ZDHHC14: variants seen among roughly 807,000 people sequenced by gnomAD.
ZDHHC14 encodes the protein zDHHC palmitoyltransferase 14, also known as palmitoyltransferase ZDHHC14.
A neutral mutation model predicts 47.7 loss-of-function variants in ZDHHC14; 16 were observed. That is an observed-to-expected ratio of 0.34 (90% CI 0.23 to 0.51). The LOEUF is 0.51. Among genes scored for constraint, ZDHHC14 ranks in the 20% least tolerant of loss-of-function variants. The pLI, the probability that ZDHHC14 is intolerant of heterozygous loss-of-function variation, is 0.97. For synonymous variants in ZDHHC14, 293 were observed against 278.9 expected (o/e 1.05, Z -0.50); for missense variants, 515 against 662.5 (o/e 0.78, Z 2.44).
chr6:157,511,122 T>C (rs1215286088), intron 1 of ZDHHC14, among the ~76,000 whole-genome samples: 2 of 152,132 alleles, frequency 1.3e-5, no homozygotes, highest in African/African-American at 4.8e-5. Context: ...AGTCCGGCTC[T>C]TTTTGTGTGG....
Position 157,381,838 on chromosome 6 carries a change from G to A in ZDHHC14, c.-184G>A. On this transcript the variant is annotated 5_prime_UTR_variant, in exon 1 of 9. Transcript: ENST00000359775. ...AGCGGGGATTCTGCTATGACAGTTG[G>A]GCTCCCCGGAGGGTTAACCTGGGTG... 1 of 278,158 alleles carries A rather than the reference G, an allele frequency of 3.6e-6. No homozygotes were observed. Among genetic ancestry groups the A allele is most frequent in the Non-Finnish European group, 5.4e-6 (1 of 186,312 alleles). 17.2% of individuals were successfully genotyped at this position (278,158 alleles called of 1,614,324 possible).
intron 8 of ZDHHC14, among the ~76,000 whole-genome samples, chr6:157,671,575 G>A (rs1321074238): frequency 6.6e-6 from 1 of 152,188 alleles, no homozygotes; most frequent in Non-Finnish European, 1.5e-5. Context: ...CATAGTTCAA[G>A]GAGAGGGTTT....
At chr6:157,592,645 C>A in intron 2 of ZDHHC14, 1 of 718,436 alleles carries the variant, frequency 1.4e-6, no homozygotes, top group Non-Finnish European at 1.8e-6. Flanking sequence ...CCAGCTGTGT[C>A]TCCCAAGATG....
intron 3 of ZDHHC14, among the ~76,000 whole-genome samples, chr6:157,615,869 C>T (rs958893103): frequency 2.0e-5 from 3 of 152,144 alleles, no homozygotes; most frequent in Non-Finnish European, 4.4e-5. Flanking sequence ...TGAGGAAACT[C>T]AGTATATAAA....
At chr6:157,551,235 C>T (rs1782218273) in intron 2 of ZDHHC14, among the ~76,000 whole-genome samples, 1 of 152,204 alleles carries the variant, frequency 6.6e-6, no homozygotes. Flanking sequence ...TCCTGGGGTG[C>T]TGGCCACTGC....
intron 3 of ZDHHC14, among the ~76,000 whole-genome samples, chr6:157,616,458 G>A (rs1209580663): frequency 6.6e-6 from 1 of 152,156 alleles, no homozygotes; most frequent in Non-Finnish European, 1.5e-5. Context: ...AAGTGTCCAG[G>A]GGGTCAGCTC....
intron 1 of ZDHHC14, among the ~76,000 whole-genome samples, chr6:157,510,396 C>A (rs1780435041): frequency 6.6e-6 from 1 of 152,228 alleles, no homozygotes; most frequent in Non-Finnish European, 1.5e-5. Context: ...CCCTGCCACA[C>A]AGGCCCCTCT....
chr6:157,665,891 G>A (rs535435433), intron 8 of ZDHHC14, among the ~76,000 whole-genome samples: 1 of 152,260 alleles, frequency 6.6e-6, no homozygotes, highest in South Asian at 2.1e-4. Flanking sequence ...TGATGGGTGT[G>A]ACCACAGGTG....
chr6:157,640,969 A>G (rs942305360), intron 5 of ZDHHC14, among the ~76,000 whole-genome samples: 26 of 152,214 alleles, frequency 1.7e-4, no homozygotes, highest in African/African-American at 5.8e-4. Flanking sequence ...TCATACACAT[A>G]TGCTGATACG....
At chr6:157,503,161 G>A (rs1450006392) in intron 1 of ZDHHC14, among the ~76,000 whole-genome samples, 1 of 152,154 alleles carries the variant, frequency 6.6e-6, no homozygotes, top group Non-Finnish European at 1.5e-5. Flanking sequence ...AGTGTGATCG[G>A]GGACTCTGGT....
intron 1 of ZDHHC14, among the ~76,000 whole-genome samples, chr6:157,455,668 C>A (rs1778895921): frequency 6.6e-6 from 1 of 152,206 alleles, no homozygotes; most frequent in African/African-American, 2.4e-5. Flanking sequence ...ACCCCTCGCT[C>A]CTCCGGCAGG....
chr6:157,645,190 A>C (rs1777461517), intron 5 of ZDHHC14, among the ~76,000 whole-genome samples: 1 of 151,968 alleles, frequency 6.6e-6, no homozygotes, highest in African/African-American at 2.4e-5. Context: ...CTTCTCTGTA[A>C]GCAGAGAAGA....
At chr6:157,669,908 A>C (rs1778717548) in intron 8 of ZDHHC14, among the ~76,000 whole-genome samples, 1 of 152,248 alleles carries the variant, frequency 6.6e-6, no homozygotes, top group Non-Finnish European at 1.5e-5. Context: ...TGTCAGTAAG[A>C]ATACGAAACG....
intron 1 of ZDHHC14, among the ~76,000 whole-genome samples, chr6:157,529,360 A>G (rs1781284554): frequency 6.6e-6 from 1 of 152,272 alleles, no homozygotes; most frequent in South Asian, 2.1e-4. Context: ...AAGCAAAACT[A>G]ACCAGTACGG....
intron 1 of ZDHHC14, among the ~76,000 whole-genome samples, chr6:157,487,372 C>T (rs1779806384): frequency 1.3e-5 from 2 of 152,210 alleles, no homozygotes; most frequent in African/African-American, 4.8e-5. Context: ...CATTTGGAGT[C>T]TCACTGACCT....
At chr6:157,448,691 CTCAGCCTCCTGAGTAGCTGGGA>C (rs1391534191) in intron 1 of ZDHHC14, among the ~76,000 whole-genome samples, 1 of 152,306 alleles carries the variant, frequency 6.6e-6, no homozygotes, top group East Asian at 1.9e-4. Context: ...ATTCTCCTGC[CTCAGCCTCCTGAGTAGCTGGGA>C]TCACAGGCGT....
chr6:157,652,048 G>A (rs1293496872), intron 7 of ZDHHC14, among the ~76,000 whole-genome samples: 2 of 152,212 alleles, frequency 1.3e-5, no homozygotes, highest in Non-Finnish European at 2.9e-5. Flanking sequence ...TGAAGGGAGG[G>A]TTGCAAAGCT....
rs1780220475 is a variant in ZDHHC14, at chr6:157,502,814, T to C, written c.246-39771T>C. ...CAAGCGATTCTCCTGGCTCAGCCTC[T>C]CAAGTAGCTGGGATTACAGGTGCCC... On this transcript the variant is annotated intron_variant, in intron 1 of 8. Transcript: ENST00000359775. This position sits in a 1 kb window ranked among gnomAD's most constrained non-coding sequence, Gnocchi z 4.0. Among the ~76,000 whole-genome samples, 1 of 152,110 alleles carries C rather than the reference T, an allele frequency of 6.6e-6. No individual in the cohort carries two copies. The highest frequency in any genetic ancestry group is 2.4e-5 in the African/African-American group (1 of 41,406).
At chr6:157,663,019 C>A (rs1778410131) in intron 8 of ZDHHC14, among the ~76,000 whole-genome samples, 1 of 152,224 alleles carries the variant, frequency 6.6e-6, no homozygotes, top group Non-Finnish European at 1.5e-5. Context: ...TCATCAGAAT[C>A]CCCAAGCACA....
Sources: gnomAD v4.1 joint callset for allele counts (sites outside exome capture counted in the v4.1 genomes callset) on GRCh38, gnomAD v4.1.1 for gene constraint, Gnocchi (gnomAD v3.1) non-coding constraint, MANE v1.5 for transcripts, NCBI Gene and HGNC (gene_info 2026-07-23, HGNC 2026-07-21) for gene names.